Variants in ARHGAP26 observed in about 807,000 individuals in gnomAD.
ARHGAP26 encodes the protein Rho GTPase activating protein 26, also known as rho GTPase-activating protein 26.
In ARHGAP26, 38 loss-of-function variants were observed where a neutral mutation model predicts 104.8. The ratio of observed to expected loss-of-function variants is 0.36; its 90% CI spans 0.28 to 0.48. The LOEUF (loss-of-function observed/expected upper bound fraction) is 0.48. ARHGAP26 is among the 20% of genes least tolerant of loss of function. ARHGAP26 has a pLI of 0.99. For synonymous variants in ARHGAP26, 341 were observed against 340.0 expected (o/e 1.00, Z -0.03); for missense variants, 704 against 947.9 (o/e 0.74, Z 3.38).
chr5:143,207,919 A>G (rs1808831632), intron 21 of ARHGAP26, among the ~76,000 whole-genome samples: 1 of 152,376 alleles, frequency 6.6e-6, no homozygotes, highest in Middle Eastern at 3.4e-3. Context: ...GACGTCGAAC[A>G]TAGAATAAAA....
intron 10 of ARHGAP26, among the ~76,000 whole-genome samples, chr5:142,916,627 C>G (rs1402066554): frequency 6.6e-6 from 1 of 151,218 alleles, no homozygotes; most frequent in Non-Finnish European, 1.5e-5. Flanking sequence ...CAAAACAAAA[C>G]AAAAAAAAAT....
At position 143,114,470 on chromosome 5, in the gene ARHGAP26, G is replaced by A. The variant is rs1795172004; in HGVS notation, c.1539-6518G>A. ...TATACTAAGGATAGATTTAAGGCTG[G>A]TGAAAAGAACCAAATTAACAGCCCT... is the stretch of plus-strand genomic sequence containing the variant. On this transcript the variant is annotated intron_variant, in intron 17 of 22. Transcript: ENST00000645722. 3.3e-5 allele frequency among the ~76,000 whole-genome samples: 5 copies of A among 152,298 alleles called. 1 individual carries two copies. The South Asian group carries it at 1.0e-3, about 32-fold the overall frequency.
At chr5:142,813,649 C>T (rs1764561528) in intron 1 of ARHGAP26, among the ~76,000 whole-genome samples, 1 of 152,252 alleles carries the variant, frequency 6.6e-6, no homozygotes, top group African/African-American at 2.4e-5. Flanking sequence ...CTCCCAGTAT[C>T]TTCACACGGT....
intron 17 of ARHGAP26, among the ~76,000 whole-genome samples, chr5:143,097,360 G>GAAAAAAAAAAAAAAAAAAAAA (rs56116431): frequency 1.6e-5 from 1 of 63,258 alleles, no homozygotes; most frequent in African/African-American, 5.0e-5. Flanking sequence ...TCAAAAAAAA[G>GAAAAAAAAAAAAAAAAAAAAA]AAAAAAAAAA....
chr5:142,888,011 C>T (rs1001497343), intron 5 of ARHGAP26, among the ~76,000 whole-genome samples: 1 of 152,002 alleles, frequency 6.6e-6, no homozygotes, highest in Non-Finnish European at 1.5e-5. Context: ...AAAAAAAGAA[C>T]AGTGATGATA....
chr5:142,922,176 TA>T (rs1455241818), intron 10 of ARHGAP26: 9 of 152,352 alleles, frequency 5.9e-5, no homozygotes, highest in Non-Finnish European at 1.3e-4. Context: ...GAAACTGTAT[TA>T]ATTTTAAATT....
In ARHGAP26 at chr5:142,819,818, A is replaced by G. The variant is rs1046548888; in HGVS notation, c.154+48903A>G. On this transcript the variant is annotated intron_variant, in intron 1 of 22. Transcript: ENST00000645722. The stretch of plus-strand genomic sequence containing the variant: ...AGTTTCTTATAAAAATTTACATAGT[A>G]TGGACTTGATTTTTTTTTTAAAGTG... Among the ~76,000 whole-genome samples, 4 of 152,328 alleles carry G rather than the reference A, an allele frequency of 2.6e-5. No homozygotes were observed. The South Asian group carries it at 8.3e-4, about 32-fold the overall frequency.
chr5:142,869,866 C>T (rs962006700), intron 1 of ARHGAP26, among the ~76,000 whole-genome samples: 1 of 152,200 alleles, frequency 6.6e-6, no homozygotes, highest in South Asian at 2.1e-4. Flanking sequence ...CCTCTAGTCC[C>T]TGAGTGAGCA....
chr5:143,186,279 A>G (rs1805122594), intron 20 of ARHGAP26, among the ~76,000 whole-genome samples: 1 of 152,196 alleles, frequency 6.6e-6, no homozygotes, highest in South Asian at 2.1e-4. Context: ...TTTTAAGAAC[A>G]TGGAGTCCAA....
intron 10 of ARHGAP26, among the ~76,000 whole-genome samples, chr5:142,920,180 A>C (rs62383287): frequency 1.3e-5 from 2 of 152,214 alleles, no homozygotes; most frequent in African/African-American, 2.4e-5. Context: ...GATTTAGTGT[A>C]AAATTTCTGG....
chr5:143,201,260 G>C (rs1335958678), intron 20 of ARHGAP26, among the ~76,000 whole-genome samples: 1 of 152,172 alleles, frequency 6.6e-6, no homozygotes, highest in Non-Finnish European at 1.5e-5. Flanking sequence ...AGGACCCCAG[G>C]AATATTTAGG....
At chr5:143,005,577 G>T (rs967387992) in intron 11 of ARHGAP26, among the ~76,000 whole-genome samples, 3 of 152,202 alleles carry the variant, frequency 2.0e-5, no homozygotes, top group Non-Finnish European at 4.4e-5. Flanking sequence ...AAAAAGAGGT[G>T]CATGGATGTT....
chr5:142,825,604 A>C (rs1767078207), intron 1 of ARHGAP26, among the ~76,000 whole-genome samples: 1 of 152,160 alleles, frequency 6.6e-6, no homozygotes, highest in African/African-American at 2.4e-5. Flanking sequence ...CTGAAGTTCA[A>C]AGGGTTATTA....
chr5:142,826,199 T>A (rs1205342861), intron 1 of ARHGAP26, among the ~76,000 whole-genome samples: 1 of 152,250 alleles, frequency 6.6e-6, no homozygotes, highest in Non-Finnish European at 1.5e-5. Context: ...ACTAATGAAC[T>A]GATGCTTCGT....
At chr5:142,922,105 T>TTC (rs1763272526) in intron 10 of ARHGAP26, 1 of 152,222 alleles carries the variant, frequency 6.6e-6, no homozygotes, top group Admixed American at 6.5e-5. Flanking sequence ...CTGTTGTTGA[T>TTC]ACATGCTTCA....
chr5:143,216,061 A>G lies in ARHGAP26; in HGVS notation c.2191+1973A>G, dbSNP rs983682942. 6.7e-5 allele frequency: 27 copies of G among 404,334 alleles called. 1 individual carries two copies. In the Admixed American group the frequency reaches 7.9e-4, roughly 12 times the overall value. The allele number at this position is 404,334 out of a possible 1,614,324, so 25.0% of individuals were successfully genotyped here. ...CACAAAGAAGTTGCACCATTTTACC[A>G]TTTTATGTTCCTACCTTCTTTCATT... On this transcript the variant is annotated intron_variant, in intron 22 of 22. Transcript: ENST00000645722.
At chr5:142,849,297 A>G (rs954817094) in intron 1 of ARHGAP26, among the ~76,000 whole-genome samples, 17 of 152,296 alleles carry the variant, frequency 1.1e-4, no homozygotes, top group African/African-American at 3.6e-4. Flanking sequence ...AGGTTCTCAC[A>G]CCAAAAAGAC....
At position 143,005,592 on chromosome 5, in the gene ARHGAP26, A is replaced by G. The variant is rs556816995; in HGVS notation, c.1108-8488A>G. ...AAAAAGAGGTGCATGGATGTTGAAC[A>G]GTAGTATTCACGGGTGTCCAGAGCA... On this transcript the variant is annotated intron_variant, in intron 11 of 22. Coordinates refer to ENST00000645722, the MANE Select transcript of ARHGAP26 (RefSeq NM_001135608.3). Among the ~76,000 whole-genome samples the G allele has an allele frequency of 2.0e-5, 3 of 152,368 alleles. No homozygotes were observed. The South Asian group carries it at 6.2e-4, about 32-fold the overall frequency.
Position 143,224,135 on chromosome 5 carries a change from T to G in ARHGAP26, c.*1689T>G, listed in dbSNP as rs1811473627. ...TTTTTTTTTTGAAAAGATAAACTTG[T>G]AAATAGAGTGATTTGAAATACTATA... On this transcript the variant is annotated 3_prime_UTR_variant, in exon 23 of 23. Coordinates refer to ENST00000645722, the MANE Select transcript of ARHGAP26 (RefSeq NM_001135608.3). 4.4e-6 allele frequency: 1 copy of G among 229,134 alleles called. No individual in the cohort carries two copies. Among genetic ancestry groups the G allele is most frequent in the Non-Finnish European group, 8.7e-6 (1 of 115,362 alleles). The allele number at this position is 229,134 out of a possible 1,614,324, so 14.2% of individuals were successfully genotyped here. A position where few individuals can be genotyped will look rare whatever the true frequency, so the allele number is the denominator to read the frequency against.
Sources: allele counts gnomAD v4.1 joint callset (sites outside exome capture counted in the v4.1 genomes callset), GRCh38; gene constraint gnomAD v4.1.1; transcripts MANE v1.5; gene names NCBI Gene and HGNC (gene_info 2026-07-23, HGNC 2026-07-21).